LRFN5: variants seen among roughly 807,000 people sequenced by gnomAD.
LRFN5 encodes leucine-rich repeat and fibronectin type-III domain-containing protein 5.
In LRFN5, 24 loss-of-function variants were observed where a neutral mutation model predicts 45.6. The observed-to-expected ratio is 0.53, with a 90% CI of 0.38 to 0.74. The LOEUF (loss-of-function observed/expected upper bound fraction) is 0.74. Among genes scored for constraint, LRFN5 ranks in the 30% least tolerant of loss-of-function variants. The probability of loss-of-function intolerance (pLI) is 0.00; values close to 1 mark genes in which losing one functional copy is unlikely to be tolerated. For missense variants in LRFN5, 776 were observed against 861.5 expected, an observed-to-expected ratio of 0.90 and a Z score of 1.24; for synonymous variants, 340 against 313.8, an observed-to-expected ratio of 1.08 and a Z score of -0.88.
Position 41,727,077 on chromosome 14 carries a change from TC to T in LRFN5, c.-196-39775del, listed in dbSNP as rs1477557728. Among the ~76,000 whole-genome samples the T allele has an allele frequency of 2.0e-5, 3 of 152,334 alleles. No homozygotes were observed. In the East Asian group the frequency reaches 5.8e-4, roughly 29 times the overall value. On this transcript the variant is annotated intron_variant, in intron 1 of 5. Transcript: ENST00000298119. ...AGTGCTTATACATAGGTGAGACACTTCCATTTGAAGATGGAATCACCATTGA... is the reference window on the plus strand; with the variant it reads ...AGTGCTTATACATAGGTGAGACACTTCATTTGAAGATGGAATCACCATTGA...
chr14:41,620,185 A>G (rs1888071905), intron 1 of LRFN5, among the ~76,000 whole-genome samples: 1 of 152,094 alleles, frequency 6.6e-6, no homozygotes, highest in Admixed American at 6.6e-5. Flanking sequence ...TTCCTTAAAG[A>G]TTGATACAGA....
chr14:41,697,658 T>A (rs1464199070), intron 1 of LRFN5, among the ~76,000 whole-genome samples: 1 of 133,542 alleles, frequency 7.5e-6, no homozygotes, highest in Non-Finnish European at 1.6e-5. Flanking sequence ...TCACTGCTCT[T>A]TTTTTTTTTT....
chr14:41,609,389 G>T (rs929200771), intron 1 of LRFN5, among the ~76,000 whole-genome samples: 2 of 151,430 alleles, frequency 1.3e-5, no homozygotes, highest in Admixed American at 1.3e-4. Context: ...TTTTTCCGGT[G>T]CCTTGATTTA....
intron 1 of LRFN5, among the ~76,000 whole-genome samples, chr14:41,658,932 C>T (rs1313686495): frequency 1.3e-5 from 2 of 151,886 alleles, no homozygotes; most frequent in African/African-American, 4.8e-5. Context: ...TTATCTCATT[C>T]CTTAATTGTT....
intron 1 of LRFN5, among the ~76,000 whole-genome samples, chr14:41,707,769 T>G (rs1187804717): frequency 6.6e-6 from 1 of 152,112 alleles, no homozygotes; most frequent in African/African-American, 2.4e-5. Context: ...CTCATGCCTC[T>G]GTTCATTTGC....
chr14:41,832,056 A>C (rs1172291958), intron 2 of LRFN5, among the ~76,000 whole-genome samples: 1 of 152,010 alleles, frequency 6.6e-6, no homozygotes, highest in Non-Finnish European at 1.5e-5. Context: ...ATCAAACTCT[A>C]ATTACCTCTC....
chr14:41,704,404 A>G (rs1882963287), intron 1 of LRFN5, among the ~76,000 whole-genome samples: 1 of 109,304 alleles, frequency 9.1e-6, no homozygotes, highest in Non-Finnish European at 1.7e-5. Context: ...TTATTGTTAT[A>G]CTTTTCTCTC....
chr14:41,803,794 CAG>C (rs1270282573), intron 2 of LRFN5, among the ~76,000 whole-genome samples: 1 of 152,092 alleles, frequency 6.6e-6, no homozygotes, highest in Non-Finnish European at 1.5e-5. Context: ...TTTATCAAGA[CAG>C]AGGAAATGCA....
At chr14:41,630,666 G>A (rs1330969291) in intron 1 of LRFN5, among the ~76,000 whole-genome samples, 1 of 151,916 alleles carries the variant, frequency 6.6e-6, no homozygotes, top group African/African-American at 2.4e-5. Context: ...GAACATAAAT[G>A]GGAAAAGATA....
chr14:41,886,723 T>C lies in LRFN5; in HGVS notation c.98T>C (p.Leu33Pro). 1 of 1,614,190 alleles carries C rather than the reference T, an allele frequency of 6.2e-7. No individual in the cohort carries two copies. Among genetic ancestry groups the C allele is most frequent in the Non-Finnish European group, 8.5e-7 (1 of 1,180,022 alleles). Reference sequence around the variant, plus strand: ...GTCTGTCAGATTTTGTCTCCTAATCTTGCAACCCTTTGTGCCAAGAAAGGG... The same window carrying C: ...GTCTGTCAGATTTTGTCTCCTAATCCTGCAACCCTTTGTGCCAAGAAAGGG... ...RCVCQILSPN[L>P]ATLCAKKGLL... The change falls in exon 3 of 6, where the codon CTT becomes CCT. Residue 33 changes from leucine to proline, a missense_variant. Leu to Pro is a moderately conservative substitution (Grantham distance 98, BLOSUM62 -3). Around this residue, in one of 2 missense-constraint regions of LRFN5, gnomAD observed 311 missense variants for 405.1 expected, o/e 0.77. Transcript: ENST00000298119.
intron 2 of LRFN5, among the ~76,000 whole-genome samples, chr14:41,880,049 T>C (rs1890323415): frequency 6.8e-6 from 1 of 147,166 alleles, no homozygotes; most frequent in Non-Finnish European, 1.5e-5. Context: ...TGCCTCAGCA[T>C]CCCCAGTAGC....
chr14:41,848,683 T>G (rs1314882547), intron 2 of LRFN5, among the ~76,000 whole-genome samples: 1 of 152,024 alleles, frequency 6.6e-6, no homozygotes, highest in Non-Finnish European at 1.5e-5. Context: ...ATTGGAAGCT[T>G]ATGAAACCTG....
chr14:41,625,667 T>G (rs1888305195), intron 1 of LRFN5, among the ~76,000 whole-genome samples: 1 of 152,200 alleles, frequency 6.6e-6, no homozygotes, highest in East Asian at 1.9e-4. Flanking sequence ...TAGCATATAC[T>G]GACCTTTAAT....
chr14:41,624,532 G>A (rs2138565448), intron 1 of LRFN5, among the ~76,000 whole-genome samples: 1 of 152,218 alleles, frequency 6.6e-6, no homozygotes, highest in South Asian at 2.1e-4. Context: ...TTTATTGTAT[G>A]ATTCTGCAGG....
intron 1 of LRFN5, among the ~76,000 whole-genome samples, chr14:41,760,950 A>T (rs1022148017): frequency 1.3e-5 from 2 of 152,170 alleles, no homozygotes; most frequent in African/African-American, 4.8e-5. Flanking sequence ...CCCAATGTCC[A>T]TTTGGACTAA....
At chr14:41,837,596 AAAT>A (rs1393914256) in intron 2 of LRFN5, among the ~76,000 whole-genome samples, 2 of 152,342 alleles carry the variant, frequency 1.3e-5, no homozygotes, top group East Asian at 3.9e-4. Context: ...ATAAAGTAGT[AAAT>A]AGGGAATGAT....
chr14:41,816,121 C>G (rs2139002118), intron 2 of LRFN5, among the ~76,000 whole-genome samples: 1 of 151,982 alleles, frequency 6.6e-6, no homozygotes, highest in Middle Eastern at 3.4e-3. Flanking sequence ...TTCCCTTCCT[C>G]CGTCTCCCCC....
chr14:41,903,796 C>T (rs1891169039), intron 5 of LRFN5, among the ~76,000 whole-genome samples: 1 of 151,670 alleles, frequency 6.6e-6, no homozygotes, highest in African/African-American at 2.4e-5. Context: ...TTAATAACTG[C>T]AATTATTATT....
At chr14:41,828,532 T>C (rs1888371276) in intron 2 of LRFN5, among the ~76,000 whole-genome samples, 1 of 152,024 alleles carries the variant, frequency 6.6e-6, no homozygotes, top group African/African-American at 2.4e-5. Flanking sequence ...TCATGATCGT[T>C]TTCTGAAACC....
Sources: allele counts gnomAD v4.1 joint callset (sites outside exome capture counted in the v4.1 genomes callset), GRCh38; gene constraint gnomAD v4.1.1; regional missense constraint gnomAD v4.1.1; transcripts MANE v1.5; gene names NCBI Gene and HGNC (gene_info 2026-07-23, HGNC 2026-07-21).